IMMP2L: variants seen among roughly 807,000 people sequenced by gnomAD.
IMMP2L encodes the protein inner mitochondrial membrane peptidase subunit 2.
IMMP2L carries 18 observed loss-of-function variants against 19.3 expected under a neutral mutation model. The observed-to-expected ratio is 0.93, with a 90% confidence interval of 0.64 to 1.38. The LOEUF (loss-of-function observed/expected upper bound fraction) is 1.38. Among genes scored for constraint, IMMP2L ranks in the 40% most tolerant of loss-of-function variants. The probability of loss-of-function intolerance (pLI) is 0.00; values close to 1 mark genes in which losing one functional copy is unlikely to be tolerated. For missense variants in IMMP2L, 233 were observed against 218.2 expected, an observed-to-expected ratio of 1.07 and a Z score of -0.43; for synonymous variants, 76 against 73.0, an observed-to-expected ratio of 1.04 and a Z score of -0.21.
At position 111,391,424 on chromosome 7, in the gene IMMP2L, A is replaced by G. The variant is rs2131329854; in HGVS notation, c.239+95814T>C. On this transcript the variant is annotated intron_variant, in intron 3 of 5. Coordinates refer to ENST00000405709, the MANE Select transcript of IMMP2L (RefSeq NM_032549.4). ...ATTATATAGTTTAATTATATTATTC[A>G]CAATCTGATGAAATATGAGTGCAGA... 1.3e-5 allele frequency among the ~76,000 whole-genome samples: 2 copies of G among 152,308 alleles called. 1 individual carries two copies. Among genetic ancestry groups the G allele is most frequent in the Admixed American group, 1.3e-4 (2 of 15,292 alleles).
At chr7:111,378,112 C>A (rs890647568) in intron 3 of IMMP2L, among the ~76,000 whole-genome samples, 4 of 151,776 alleles carry the variant, frequency 2.6e-5, no homozygotes, top group African/African-American at 7.3e-5. Flanking sequence ...GAAATATAAT[C>A]TCTAATCAAT....
At chr7:110,826,782 C>T (rs1459312813) in intron 5 of IMMP2L, among the ~76,000 whole-genome samples, 1 of 151,768 alleles carries the variant, frequency 6.6e-6, no homozygotes, top group African/African-American at 2.4e-5. Flanking sequence ...CACATGTATA[C>T]ATATGTAACA....
intron 5 of IMMP2L, among the ~76,000 whole-genome samples, chr7:110,827,562 A>C (rs1803611692): frequency 1.3e-5 from 2 of 152,210 alleles, no homozygotes; most frequent in South Asian, 4.1e-4. Context: ...ATGTGCAAAC[A>C]AGACCTATAG....
At position 111,079,246 on chromosome 7, in the gene IMMP2L, T is replaced by C. The variant is rs1795678793; in HGVS notation, c.240-115681A>G. The stretch of plus-strand genomic sequence containing the variant: ...CATTCTCCTGCCTCAGCCTCCCAAG[T>C]AGCTGGGACTACAGGCGCCCGCCAC... On this transcript the variant is annotated intron_variant, in intron 3 of 5. Coordinates refer to ENST00000405709, the MANE Select transcript of IMMP2L (RefSeq NM_032549.4). Among the ~76,000 whole-genome samples, 5 of 147,766 alleles carry C rather than the reference T, an allele frequency of 3.4e-5. No individual in the cohort carries two copies. In the South Asian group the frequency reaches 1.1e-3, roughly 32 times the overall value.
chr7:110,680,147 A>G (rs1195706250), intron 5 of IMMP2L, among the ~76,000 whole-genome samples: 1 of 152,194 alleles, frequency 6.6e-6, no homozygotes, highest in African/African-American at 2.4e-5. Flanking sequence ...GTAATCTTCT[A>G]GTCACCTAAT....
chr7:111,412,091 A>T (rs903978427), intron 3 of IMMP2L, among the ~76,000 whole-genome samples: 1 of 151,812 alleles, frequency 6.6e-6, no homozygotes, highest in African/African-American at 2.4e-5. Flanking sequence ...TGCAGGAGTA[A>T]GCTATAAAAT....
At chr7:111,014,350 G>A (rs1486865585) in intron 3 of IMMP2L, among the ~76,000 whole-genome samples, 2 of 151,552 alleles carry the variant, frequency 1.3e-5, no homozygotes, top group Admixed American at 6.6e-5. Context: ...GTGAGACTCT[G>A]TGTCAAAAGA....
At chr7:110,811,694 A>T (rs1237642569) in intron 5 of IMMP2L, among the ~76,000 whole-genome samples, 1 of 152,084 alleles carries the variant, frequency 6.6e-6, no homozygotes, top group African/African-American at 2.4e-5. Context: ...AACATTGTAA[A>T]CAAATGAAGA....
At chr7:111,104,111 A>G (rs1185260761) in intron 3 of IMMP2L, among the ~76,000 whole-genome samples, 1 of 151,692 alleles carries the variant, frequency 6.6e-6, no homozygotes, top group Non-Finnish European at 1.5e-5. Flanking sequence ...TTGGGCCTAT[A>G]TTCAGGCAAC....
intron 3 of IMMP2L, among the ~76,000 whole-genome samples, chr7:111,073,095 T>C (rs1391870713): frequency 6.6e-6 from 1 of 152,198 alleles, no homozygotes; most frequent in Admixed American, 6.5e-5. Context: ...TTGATAATTG[T>C]ACTGTGGTTA....
In IMMP2L at chr7:111,323,251, G is replaced by A. The variant is rs564393839; in HGVS notation, c.239+163987C>T. Among the ~76,000 whole-genome samples, 31 of 151,952 alleles carry A rather than the reference G, an allele frequency of 2.0e-4. No homozygotes were observed. The East Asian group carries it at 4.8e-3, about 24-fold the overall frequency. ...TCTGCAATCTACTCATCTGACAAAG[G>A]GCTAATATCCAGAATCTACAATGAA... On this transcript the variant is annotated intron_variant, in intron 3 of 5. Coordinates refer to ENST00000405709, the MANE Select transcript of IMMP2L (RefSeq NM_032549.4).
intron 3 of IMMP2L, among the ~76,000 whole-genome samples, chr7:111,046,261 G>A (rs1792386269): frequency 6.6e-6 from 1 of 151,862 alleles, no homozygotes; most frequent in African/African-American, 2.4e-5. Context: ...AAAGAAAGAA[G>A]TAGAAATTTT....
chr7:110,813,605 C>T (rs1207562253), intron 5 of IMMP2L, among the ~76,000 whole-genome samples: 1 of 151,714 alleles, frequency 6.6e-6, no homozygotes. Flanking sequence ...TTTTTTCTAA[C>T]ACGCCTGGCC....
chr7:110,903,974 C>T (rs891783495), intron 4 of IMMP2L, among the ~76,000 whole-genome samples: 3 of 107,702 alleles, frequency 2.8e-5, no homozygotes, highest in African/African-American at 5.4e-5. Context: ...TGATTTGTGA[C>T]ATTAAGCATT....
chr7:111,453,560 T>C (rs1490912874), intron 3 of IMMP2L, among the ~76,000 whole-genome samples: 2 of 152,190 alleles, frequency 1.3e-5, no homozygotes, highest in Non-Finnish European at 2.9e-5. Context: ...TATCGGTAAC[T>C]TGCTTTAAAC....
intron 4 of IMMP2L, among the ~76,000 whole-genome samples, chr7:110,927,445 A>C (rs1413908687): frequency 5.3e-5 from 8 of 152,176 alleles, no homozygotes; most frequent in Non-Finnish European, 2.9e-5. Context: ...TTCACTAATT[A>C]GCTGCCCTCA....
At chr7:110,671,676 C>T (rs1791930522) in intron 5 of IMMP2L, among the ~76,000 whole-genome samples, 1 of 152,022 alleles carries the variant, frequency 6.6e-6, no homozygotes, top group Non-Finnish European at 1.5e-5. Flanking sequence ...GGCTTTTGTT[C>T]CCTCCCCTCC....
intron 5 of IMMP2L, among the ~76,000 whole-genome samples, chr7:110,730,820 C>G (rs1475176408): frequency 1.3e-5 from 2 of 152,156 alleles, no homozygotes; most frequent in Non-Finnish European, 2.9e-5. Context: ...CCGCCGCGCC[C>G]GGCCGGGACT....
intron 3 of IMMP2L, among the ~76,000 whole-genome samples, chr7:111,219,670 G>A (rs2129620302): frequency 6.6e-6 from 1 of 152,034 alleles, no homozygotes; most frequent in Admixed American, 6.6e-5. Flanking sequence ...TGCCTTAGCT[G>A]TCAGTATTCT....
Sources: allele counts gnomAD v4.1 joint callset (sites outside exome capture counted in the v4.1 genomes callset), GRCh38; gene constraint gnomAD v4.1.1; transcripts MANE v1.5; gene names NCBI Gene and HGNC (gene_info 2026-07-23, HGNC 2026-07-21).